Variants in AIPL1 observed in about 807,000 individuals in gnomAD.
AIPL1 encodes the protein aryl-hydrocarbon-interacting protein-like 1.
A neutral mutation model predicts 32.9 loss-of-function variants in AIPL1; 23 were observed. The observed-to-expected ratio is 0.70, with a 90% CI of 0.50 to 0.99. AIPL1 has a LOEUF of 0.99. Among genes scored for constraint, AIPL1 ranks in the 50% least tolerant of loss-of-function variants. The pLI is 0.00. For synonymous variants in AIPL1, 210 were observed against 209.4 expected, an observed-to-expected ratio of 1.00 and a Z score of -0.02; for missense variants, 485 against 506.0, an observed-to-expected ratio of 0.96 and a Z score of 0.40.
Position 6,425,815 on chromosome 17 carries a change from T to C in AIPL1, c.800A>G (p.Tyr267Cys). 6.2e-7 allele frequency: 1 copy of C among 1,604,390 alleles called. No homozygotes were observed. Among genetic ancestry groups the C allele is most frequent in the Non-Finnish European group, 8.5e-7 (1 of 1,179,692 alleles). ...TGCGTGAGCCCGGGCACGCACGTAG[T>C]AGGCCTTCACGATGCCTGTGGGGAG... ...LRHHPGIVKA[Y>C]YVRARAHAEV... Residue 267 changes from tyrosine (Y) to cysteine (C), a missense_variant, in exon 6 of 6, where the codon TAC becomes TGC. Coordinates refer to ENST00000381129, the MANE Select transcript of AIPL1 (RefSeq NM_014336.5).
rs1911835415 is a variant in AIPL1, at chr17:6,425,562, A to G, written c.1053T>C (p.Pro351=). 6.2e-7 allele frequency: 1 copy of G among 1,610,514 alleles called. No individual in the cohort carries two copies. Among genetic ancestry groups the G allele is most frequent in the African/African-American group, 1.3e-5 (1 of 74,824 alleles). The part of the protein sequence containing the change: ...EPPAQSSTEP[P]AEPPTAPSAE... ...CAGATGGTGCTGTGGGTGGCTCTGCAGGTGGCTCTGTGGATGACTGTGCGG... is the reference window on the plus strand; with the variant it reads ...CAGATGGTGCTGTGGGTGGCTCTGCGGGTGGCTCTGTGGATGACTGTGCGG... Residue 351 remains proline, a synonymous_variant, in exon 6 of 6, where the codon CCT becomes CCC. Transcript: ENST00000381129.
At chr17:6,428,243 T>G in intron 3 of AIPL1, 75 bp downstream of exon 3, 1 of 1,530,704 alleles carries the variant, frequency 6.5e-7, no homozygotes. Flanking sequence ...GCCAGTGGGG[T>G]GGGGGTGCCC....
rs1911817174 is a variant in AIPL1, at chr17:6,425,459, C to T, written c.*1G>A. 1 of 1,587,916 alleles carries T rather than the reference C, an allele frequency of 6.3e-7. No individual in the cohort carries two copies. Among genetic ancestry groups the T allele is most frequent in the African/African-American group, 1.3e-5 (1 of 74,752 alleles). On this transcript the variant is annotated 3_prime_UTR_variant, in exon 6 of 6. Transcript: ENST00000381129. The stretch of plus-strand genomic sequence containing the variant: ...CTGGGTGGCTGTGGGCCTCAGGGGG[C>T]TCAGTGCTGCAGCGAGTGCCCTGGG...
rs756761166 is a variant in AIPL1 at position 6,426,094 on chromosome 17, T to A, written c.785-264A>T. 552 of 1,257,154 alleles carry A rather than the reference T, an allele frequency of 4.4e-4. 1 individual carries two copies. Among genetic ancestry groups the A allele is most frequent in the Non-Finnish European group, 5.6e-4 (534 of 958,550 alleles). The allele number at this position is 1,257,154 out of a possible 1,614,324, so 77.9% of individuals were successfully genotyped here. ...ATTTTTCTTATAGACGCTACCTAAA[T>A]TAGATAACCTTCAGGCCCTTTCCCT... is the stretch of plus-strand genomic sequence containing the variant. On this transcript the variant is annotated intron_variant, in intron 5 of 5. Coordinates refer to ENST00000381129, the MANE Select transcript of AIPL1 (RefSeq NM_014336.5).
Position 6,428,450 on chromosome 17 carries a change from C to T in AIPL1, c.333G>A (p.Lys111=), listed in dbSNP as rs762780829. 2 of 1,613,872 alleles carry T rather than the reference C, an allele frequency of 1.2e-6. No individual in the cohort carries two copies. Among genetic ancestry groups the T allele is most frequent in the African/African-American group, 2.7e-5 (2 of 74,946 alleles). The change falls in exon 3 of 6, where the codon AAG becomes AAA. Residue 111 remains lysine, a synonymous_variant. Transcript: ENST00000381129. ...TGTGCACGTGCCACTCTGTGGGGTC[C>T]TTGCCCTGGGCCATCTGCCTCAGGC... The part of the protein sequence containing the change: ...SRSLRQMAQG[K]DPTEWHVHTC...
intron 1 of AIPL1, 51 bp downstream of exon 1, chr17:6,434,958 G>A: frequency 6.2e-7 from 1 of 1,613,084 alleles, no homozygotes; most frequent in Non-Finnish European, 8.5e-7. Flanking sequence ...CACCTGGAAT[G>A]TTGAAAGCTG....
chr17:6,431,283 C>T (rs960413861), intron 2 of AIPL1, among the ~76,000 whole-genome samples: 3 of 145,688 alleles, frequency 2.1e-5, no homozygotes, highest in African/African-American at 7.6e-5. Context: ...CCTGTCTCTA[C>T]TAAAAATACT....
At chr17:6,426,037 TGTGA>T (rs1253426843) in intron 5 of AIPL1, 3 of 1,068,582 alleles carry the variant, frequency 2.8e-6, no homozygotes, top group South Asian at 1.8e-5. Context: ...TTTAAGGCCC[TGTGA>T]GTAATTTTAT....
Position 6,428,439 on chromosome 17 carries a change from T to G in AIPL1, c.344A>C (p.Glu115Ala). ...CAGCCCGCACGTGTGCACGTGCCAC[T>G]CTGTGGGGTCCTTGCCCTGGGCCAT... ...RQMAQGKDPT[E>A]WHVHTCGLAN... is the part of the protein sequence containing the mutation. The change falls in exon 3 of 6, where the codon GAG (glutamate) becomes GCG (alanine). Residue 115 changes from glutamate (E) to alanine (A), a missense_variant. Physicochemically the swap from Glu to Ala is moderately radical, Grantham distance 107. Transcript: ENST00000381129. 1 of 1,613,956 alleles carries G rather than the reference T, an allele frequency of 6.2e-7. No homozygotes were observed. Among genetic ancestry groups the G allele is most frequent in the Non-Finnish European group, 8.5e-7 (1 of 1,180,036 alleles).
chr17:6,431,597 A>C (rs1360177989), intron 2 of AIPL1, among the ~76,000 whole-genome samples: 2 of 152,242 alleles, frequency 1.3e-5, no homozygotes, highest in African/African-American at 4.8e-5. Flanking sequence ...AAATGAAGGA[A>C]TAGAGTAGCA....
rs758622569 is a variant in AIPL1 at position 6,433,611 on chromosome 17, T to TCTCACACA, written c.276+307_276+308insTGTGTGAG. Among the ~76,000 whole-genome samples the TCTCACACA allele has an allele frequency of 2.7e-3, 288 of 106,298 alleles. 1 individual carries two copies. Among genetic ancestry groups the TCTCACACA allele is most frequent in the Non-Finnish European group, 4.1e-3 (215 of 52,548 alleles). 69.7% of individuals were successfully genotyped at this position (106,298 alleles called of 152,430 possible). A position where few individuals can be genotyped will look rare whatever the true frequency, so the allele number is the denominator to read the frequency against. On this transcript the variant is annotated intron_variant, in intron 2 of 5. Transcript: ENST00000381129. ...ATCTCTCTCTCTCTCTCTCTCTCTC[T>TCTCACACA]CACACACACACACACACACACACAC... is the stretch of plus-strand genomic sequence containing the variant.
At position 6,428,445 on chromosome 17, in the gene AIPL1, G is replaced by A; in HGVS notation, c.338C>T (p.Pro113Leu). The A allele has an allele frequency of 6.2e-7, 1 of 1,614,002 alleles. No homozygotes were observed. Among genetic ancestry groups the A allele is most frequent in the Non-Finnish European group, 8.5e-7 (1 of 1,180,044 alleles). ...GCACGTGTGCACGTGCCACTCTGTG[G>A]GGTCCTTGCCCTGGGCCATCTGCCT... ...SLRQMAQGKD[P>L]TEWHVHTCGL... The change falls in exon 3 of 6, where the codon CCC becomes CTC. Residue 113 changes from proline to leucine, a missense_variant. Pro to Leu is a moderately conservative substitution (Grantham distance 98). Coordinates refer to ENST00000381129, the MANE Select transcript of AIPL1 (RefSeq NM_014336.5).
At chr17:6,427,407 C>T (rs761697250) in intron 3 of AIPL1, among the ~76,000 whole-genome samples, 5 of 152,246 alleles carry the variant, frequency 3.3e-5, no homozygotes, top group Non-Finnish European at 5.9e-5. Flanking sequence ...GAGGAGATGC[C>T]GGTGCACCTT....
At chr17:6,430,456 C>CAAAAAAAAAAA (rs1169701817) in intron 2 of AIPL1, among the ~76,000 whole-genome samples, 9 of 44,508 alleles carry the variant, frequency 2.0e-4, no homozygotes, top group African/African-American at 2.7e-4. Context: ...AAGTCCGTCT[C>CAAAAAAAAAAA]AAAAAAAAAA....
chr17:6,434,991 C>G lies in AIPL1; in HGVS notation c.96+18G>C. ...CTGCTGTGGGGGACCCTGTCTGCTC[C>G]GGAGGGGCCCCACTCACTCGGGATC... On this transcript the variant is annotated intron_variant, in intron 1 of 5. Transcript: ENST00000381129. 6.2e-7 allele frequency: 1 copy of G among 1,614,062 alleles called. No homozygotes were observed. Among genetic ancestry groups the G allele is most frequent in the Non-Finnish European group, 8.5e-7 (1 of 1,179,992 alleles).
intron 3 of AIPL1, among the ~76,000 whole-genome samples, chr17:6,427,981 G>A (rs929831044): frequency 1.3e-5 from 2 of 151,840 alleles, no homozygotes; most frequent in Non-Finnish European, 1.5e-5. Flanking sequence ...CACCACACCC[G>A]GTTAATTTTT....
chr17:6,433,901 C>A lies in AIPL1; in HGVS notation c.276+18G>T. ...GAAAAGACTAGTCCCAGGAGACAGG[C>A]GCGCAGGGCCTACTTACGATGGTGT... On this transcript the variant is annotated intron_variant, in intron 2 of 5. Coordinates refer to ENST00000381129, the MANE Select transcript of AIPL1 (RefSeq NM_014336.5). 1.2e-6 allele frequency: 2 copies of A among 1,611,880 alleles called. No homozygotes were observed. Among genetic ancestry groups the A allele is most frequent in the Non-Finnish European group, 1.7e-6 (2 of 1,179,304 alleles).
intron 2 of AIPL1, among the ~76,000 whole-genome samples, chr17:6,432,122 G>C (rs7502461): frequency 0.65 from 99,074 of 152,100 alleles, 32,364 homozygotes; most frequent in Middle Eastern, 0.79. Flanking sequence ...TGGTGGCTCA[G>C]GCCTGTAATC....
At chr17:6,433,448 T>C (rs1340001353) in intron 2 of AIPL1, among the ~76,000 whole-genome samples, 1 of 151,980 alleles carries the variant, frequency 6.6e-6, no homozygotes, top group African/African-American at 2.4e-5. Context: ...AATACAAAAA[T>C]GAGGTGTGGT....
Sources: allele counts gnomAD v4.1 joint callset (sites outside exome capture counted in the v4.1 genomes callset), GRCh38; gene constraint gnomAD v4.1.1; transcripts MANE v1.5; gene names NCBI Gene and HGNC (gene_info 2026-07-23, HGNC 2026-07-21).